Variants in PRUNE2 observed in about 807,000 individuals in gnomAD.
PRUNE2 encodes prune homolog 2 with BCH domain.
Under a neutral mutation model 252.0 loss-of-function variants are expected in PRUNE2, and 164 were observed. That is an observed-to-expected ratio of 0.65 (90% CI 0.57 to 0.74). The LOEUF (loss-of-function observed/expected upper bound fraction) is 0.74. Ranked by LOEUF, PRUNE2 falls within the 30% of genes least tolerant of loss-of-function variation. PRUNE2 has a pLI of 0.00. For missense variants in PRUNE2, 3,495 were observed against 3,711.0 expected, an observed-to-expected ratio of 0.94 and a Z score of 1.51; for synonymous variants, 1,292 against 1,350.2, an observed-to-expected ratio of 0.96 and a Z score of 0.94.
intron 1 of PRUNE2, among the ~76,000 whole-genome samples, chr9:76,885,702 G>T (rs1261212249): frequency 6.6e-6 from 1 of 152,032 alleles, no homozygotes; most frequent in African/African-American, 2.4e-5. Context: ...TCGACTGCTT[G>T]GGTTCAAAAC....
chr9:76,714,468 C>T (rs1019203757), intron 6 of PRUNE2, among the ~76,000 whole-genome samples: 3 of 152,196 alleles, frequency 2.0e-5, no homozygotes, highest in African/African-American at 7.2e-5. Flanking sequence ...TATCTCGGCT[C>T]ACTGCAACCT....
chr9:76,682,256 T>C (rs982196321), intron 9 of PRUNE2, among the ~76,000 whole-genome samples: 3 of 151,564 alleles, frequency 2.0e-5, no homozygotes, highest in Admixed American at 6.6e-5. Flanking sequence ...AGTTTACTTA[T>C]AGAAAACTTA....
At position 76,906,060 on chromosome 9, in the gene PRUNE2, CG is replaced by C. The variant is rs2063477628; in HGVS notation, c.-98del. ...GCGGGGTCCCGGGAAAGTGGCCCGC[CG>C]GGGCGCAGCGACCGACTGCTCCCTC... On this transcript the variant is annotated 5_prime_UTR_variant, in exon 1 of 19. Coordinates refer to ENST00000376718, the MANE Select transcript of PRUNE2 (RefSeq NM_015225.3). The C allele has an allele frequency of 8.2e-6, 11 of 1,344,028 alleles. No individual in the cohort carries two copies. Among genetic ancestry groups the C allele is most frequent in the Non-Finnish European group, 1.2e-5 (11 of 939,608 alleles). The allele number at this position is 1,344,028 out of a possible 1,614,324, so 83.3% of individuals were successfully genotyped here.
At chr9:76,882,935 C>T (rs1321733887) in intron 1 of PRUNE2, among the ~76,000 whole-genome samples, 1 of 152,166 alleles carries the variant, frequency 6.6e-6, no homozygotes, top group Non-Finnish European at 1.5e-5. Context: ...AGGGCTGCAA[C>T]CAAGCCCAGA....
At chr9:76,762,348 G>A (rs1014063543) in intron 6 of PRUNE2, among the ~76,000 whole-genome samples, 5 of 152,144 alleles carry the variant, frequency 3.3e-5, no homozygotes, top group Admixed American at 6.5e-5. Flanking sequence ...AGTCATTTCC[G>A]GATAACCTAT....
chr9:76,612,479 T>G lies in PRUNE2; in HGVS notation c.*2091A>C, dbSNP rs1380392761. Reference sequence around the variant, plus strand: ...AAAATGGGATGCTACTGAGTGAAAGTAGCAAATAGGTGAACAAACAGGAAT... The same window carrying G: ...AAAATGGGATGCTACTGAGTGAAAGGAGCAAATAGGTGAACAAACAGGAAT... On this transcript the variant is annotated 3_prime_UTR_variant, in exon 19 of 19. Coordinates refer to ENST00000376718, the MANE Select transcript of PRUNE2 (RefSeq NM_015225.3). 1 of 152,018 alleles carries G rather than the reference T, an allele frequency of 6.6e-6. No homozygotes were observed. The highest frequency in any genetic ancestry group is 2.1e-4 in the South Asian group (1 of 4,826). The allele number at this position is 152,018 out of a possible 1,614,324, so 9.4% of individuals were successfully genotyped here.
chr9:76,708,206 A>G lies in PRUNE2; in HGVS notation c.4068T>C (p.Ser1356=). 6.2e-7 allele frequency: 1 copy of G among 1,613,928 alleles called. No individual in the cohort carries two copies. Among genetic ancestry groups the G allele is most frequent in the Non-Finnish European group, 8.5e-7 (1 of 1,179,858 alleles). ...ASGVENASGI[S]EKGQSDQELS... ...GTTCCTGGTCACTCTGCCCTTTTTCAGAAATCCCTGAGGCATTCTCCACAC... is the reference window on the plus strand; with the variant it reads ...GTTCCTGGTCACTCTGCCCTTTTTCGGAAATCCCTGAGGCATTCTCCACAC... Residue 1356 remains serine, a synonymous_variant, in exon 8 of 19, where the codon TCT becomes TCC. Transcript: ENST00000376718.
Position 76,683,859 on chromosome 9 carries a change from TATAC to T in PRUNE2, c.8276+19474_8276+19477del, listed in dbSNP as rs560781360. ...CATAAATTATATTTGTGTATGTATA[TATAC>T]ATATATACACATATGTATTTGCATA... On this transcript the variant is annotated intron_variant, in intron 9 of 18. Transcript: ENST00000376718. 3.8e-3 allele frequency among the ~76,000 whole-genome samples: 572 copies of T among 151,732 alleles called. 5 individuals carry two copies. Among genetic ancestry groups the T allele is most frequent in the African/African-American group, 0.013 (550 of 41,386 alleles).
At chr9:76,762,407 C>G (rs1420522842) in intron 6 of PRUNE2, among the ~76,000 whole-genome samples, 1 of 152,154 alleles carries the variant, frequency 6.6e-6, no homozygotes, top group Non-Finnish European at 1.5e-5. Flanking sequence ...GCAGAGAGAG[C>G]AACTACCATG....
chr9:76,897,390 CTTTTTTTTTTTTTTTTT>C (rs55702049), intron 1 of PRUNE2, among the ~76,000 whole-genome samples: 611 of 56,250 alleles, frequency 0.011, 7 homozygotes, highest in Non-Finnish European at 0.016. Flanking sequence ...AGGCAAACCT[CTTTTTTTTTTTTTTTTT>C]TTTTTTTTTT....
intron 1 of PRUNE2, among the ~76,000 whole-genome samples, chr9:76,866,246 G>A (rs1464666310): frequency 3.3e-5 from 5 of 152,138 alleles, no homozygotes; most frequent in African/African-American, 1.2e-4. Context: ...CCCAACACTT[G>A]CATGATCAAT....
chr9:76,835,689 C>T (rs2058921994), intron 4 of PRUNE2, among the ~76,000 whole-genome samples: 1 of 152,100 alleles, frequency 6.6e-6, no homozygotes, highest in Non-Finnish European at 1.5e-5. Context: ...ATGTAATTCC[C>T]TCTGGATTTT....
chr9:76,661,628 G>C (rs901761194), intron 9 of PRUNE2, among the ~76,000 whole-genome samples: 1 of 152,072 alleles, frequency 6.6e-6, no homozygotes, highest in African/African-American at 2.4e-5. Flanking sequence ...GTGATACAAG[G>C]AATAATTCTT....
At chr9:76,818,618 A>C (rs775929123) in intron 6 of PRUNE2, among the ~76,000 whole-genome samples, 5 of 152,070 alleles carry the variant, frequency 3.3e-5, no homozygotes, top group African/African-American at 4.8e-5. Flanking sequence ...AAAGAAAGAG[A>C]GAAAACGGCC....
At position 76,647,680 on chromosome 9, in the gene PRUNE2, T is replaced by C. The variant is rs974126639; in HGVS notation, c.8558-2771A>G. ...ACAAAGAATGCTTAATACTCAACAA[T>C]AAGGCCAGGTGCAGTGGCTCACGCC... On this transcript the variant is annotated intron_variant, in intron 11 of 18. Coordinates refer to ENST00000376718, the MANE Select transcript of PRUNE2 (RefSeq NM_015225.3). Among the ~76,000 whole-genome samples the C allele has an allele frequency of 3.9e-5, 6 of 152,116 alleles. 1 individual carries two copies. Among genetic ancestry groups the C allele is most frequent in the African/African-American group, 1.4e-4 (6 of 41,420 alleles).
intron 6 of PRUNE2, among the ~76,000 whole-genome samples, chr9:76,768,623 G>GTGTGTGTGTGTA (rs1491356086): frequency 2.3e-5 from 3 of 130,234 alleles, no homozygotes; most frequent in African/African-American, 5.6e-5. Flanking sequence ...GTGTGTGTGT[G>GTGTGTGTGTGTA]TATATCCCTG....
Position 76,823,730 on chromosome 9 carries a change from T to C in PRUNE2, c.662-4A>G. 2 of 1,559,654 alleles carry C rather than the reference T, an allele frequency of 1.3e-6. No individual in the cohort carries two copies. The highest frequency in any genetic ancestry group is 1.8e-6 in the Non-Finnish European group (2 of 1,137,962). On this transcript the variant is annotated splice_polypyrimidine_tract_variant and splice_region_variant and intron_variant, in intron 5 of 18. Coordinates refer to ENST00000376718, the MANE Select transcript of PRUNE2 (RefSeq NM_015225.3). ...ATTGTCTGTTCAATACTTAAACCTG[T>C]GGATGACAGGAAAAAAAAACATTAT...
intron 6 of PRUNE2, among the ~76,000 whole-genome samples, chr9:76,765,355 G>A (rs1485895807): frequency 6.6e-6 from 1 of 152,220 alleles, no homozygotes; most frequent in Non-Finnish European, 1.5e-5. Flanking sequence ...ATGCTATGAA[G>A]AAAGATAAGA....
At chr9:76,897,981 G>A (rs1248488228) in intron 1 of PRUNE2, among the ~76,000 whole-genome samples, 3 of 152,052 alleles carry the variant, frequency 2.0e-5, no homozygotes, top group Non-Finnish European at 1.5e-5. Context: ...TCACGTCCTC[G>A]TCTCAGGGCA....
Sources: gnomAD v4.1 joint callset for allele counts (sites outside exome capture counted in the v4.1 genomes callset) on GRCh38, gnomAD v4.1.1 for gene constraint, MANE v1.5 for transcripts, NCBI Gene and HGNC (gene_info 2026-07-23, HGNC 2026-07-21) for gene names.